Variants in PTPRQ observed in about 807,000 individuals in gnomAD.
PTPRQ encodes the protein phosphatidylinositol phosphatase PTPRQ.
Under a neutral mutation model 246.0 loss-of-function variants are expected in PTPRQ, and 199 were observed. The ratio of observed to expected loss-of-function variants is 0.81; its 90% confidence interval spans 0.72 to 0.91. PTPRQ has a LOEUF of 0.91. Among genes scored for constraint, PTPRQ ranks in the 40% least tolerant of loss-of-function variants. The probability of loss-of-function intolerance (pLI) is 0.00; values close to 1 mark genes in which losing one functional copy is unlikely to be tolerated. For synonymous variants in PTPRQ, 869 were observed against 853.2 expected (o/e 1.02, Z -0.32); for missense variants, 2,624 against 2,528.4 (o/e 1.04, Z -0.81).
intron 9 of PTPRQ, among the ~76,000 whole-genome samples, chr12:80,489,508 C>T (rs749074760): frequency 5.3e-5 from 8 of 151,954 alleles, no homozygotes; most frequent in Non-Finnish European, 1.0e-4. Flanking sequence ...AGATAATGGT[C>T]AGAGTTTTCC....
chr12:80,547,738 A>G (rs1435845052), intron 24 of PTPRQ, among the ~76,000 whole-genome samples: 1 of 152,176 alleles, frequency 6.6e-6, no homozygotes, highest in African/African-American at 2.4e-5. Flanking sequence ...AGCAGTAGCC[A>G]TCTCATAATG....
intron 35 of PTPRQ, among the ~76,000 whole-genome samples, chr12:80,645,975 G>A (rs1900058139): frequency 6.6e-6 from 1 of 152,100 alleles, no homozygotes; most frequent in Admixed American, 6.5e-5. Context: ...CTCGAATTGA[G>A]AGCTAGAAAT....
chr12:80,605,020 T>C, intron 26 of PTPRQ, 39 bp from the exon 27 acceptor site: 3 of 1,513,792 alleles, frequency 2.0e-6, no homozygotes, highest in South Asian at 1.3e-5. Context: ...CAAGTACTAA[T>C]TCTAATGTAG....
intron 25 of PTPRQ, among the ~76,000 whole-genome samples, chr12:80,553,968 A>G (rs755895228): frequency 6.6e-6 from 1 of 152,126 alleles, no homozygotes; most frequent in Non-Finnish European, 1.5e-5. Context: ...CAGAAAGACA[A>G]ACTTCATGTG....
chr12:80,509,472 C>T (rs779636642), intron 16 of PTPRQ, among the ~76,000 whole-genome samples: 25 of 151,994 alleles, frequency 1.6e-4, no homozygotes, highest in African/African-American at 4.8e-5. Flanking sequence ...ATTCACATTC[C>T]GTGCATAACT....
chr12:80,496,204 C>T, intron 13 of PTPRQ, 46 bp from the exon 14 acceptor site: 2 of 1,541,852 alleles, frequency 1.3e-6, no homozygotes, highest in Non-Finnish European at 1.7e-6. Context: ...AAGCAACAAA[C>T]ATCAATAAAA....
At chr12:80,541,991 T>C in intron 21 of PTPRQ, 98 bp from the exon 22 acceptor site, 1 of 1,477,902 alleles carries the variant, frequency 6.8e-7, no homozygotes, top group Middle Eastern at 2.4e-4. Context: ...TTTCTTAAAA[T>C]AATCTGCTAA....
chr12:80,516,834 T>C (rs1895315356), intron 17 of PTPRQ, among the ~76,000 whole-genome samples: 1 of 152,114 alleles, frequency 6.6e-6, no homozygotes, highest in African/African-American at 2.4e-5. Flanking sequence ...TAAAGATAGA[T>C]TTGTGAATTA....
intron 25 of PTPRQ, among the ~76,000 whole-genome samples, chr12:80,581,510 CT>C (rs1457348193): frequency 6.6e-6 from 1 of 151,962 alleles, no homozygotes; most frequent in Non-Finnish European, 1.5e-5. Context: ...TGGCACACGC[CT>C]GTGATTCCAG....
intron 43 of PTPRQ, among the ~76,000 whole-genome samples, chr12:80,678,153 T>C (rs1731785): frequency 0.031 from 4,651 of 151,856 alleles, 214 homozygotes; most frequent in African/African-American, 0.1. Context: ...ATTTATTGGT[T>C]AAACATATTT....
chr12:80,628,334 C>A (rs956091279), intron 33 of PTPRQ, among the ~76,000 whole-genome samples: 1 of 152,070 alleles, frequency 6.6e-6, no homozygotes, highest in Non-Finnish European at 1.5e-5. Context: ...ATCCACCATG[C>A]AGGATAGCCA....
chr12:80,634,821 T>G, intron 34 of PTPRQ, 124 bp from the exon 35 acceptor site: 2 of 1,384,902 alleles, frequency 1.4e-6, no homozygotes, highest in Non-Finnish European at 1.9e-6. Flanking sequence ...TGCAACATAT[T>G]CAGAGAGGTG....
chr12:80,596,926 C>A (rs757545059), intron 26 of PTPRQ, among the ~76,000 whole-genome samples: 1 of 152,002 alleles, frequency 6.6e-6, no homozygotes, highest in Non-Finnish European at 1.5e-5. Flanking sequence ...TTGCTATGTG[C>A]TGGTACTATT....
At chr12:80,555,712 A>C (rs914201483) in intron 25 of PTPRQ, among the ~76,000 whole-genome samples, 1 of 152,184 alleles carries the variant, frequency 6.6e-6, no homozygotes, top group Non-Finnish European at 1.5e-5. Flanking sequence ...TATCTAATTG[A>C]AATTCAGGTG....
intron 8 of PTPRQ, 31 bp from the exon 9 acceptor site, chr12:80,484,402 C>CTTTTT: frequency 1.4e-6 from 2 of 1,455,380 alleles, no homozygotes; most frequent in East Asian, 2.5e-5. Context: ...TAATTTCCCC[C>CTTTTT]TTTTCTTTTC....
intron 17 of PTPRQ, among the ~76,000 whole-genome samples, chr12:80,516,396 T>C (rs1416696440): frequency 1.3e-5 from 2 of 152,188 alleles, no homozygotes; most frequent in East Asian, 1.9e-4. Flanking sequence ...TCAATTTTCT[T>C]AGTAGTAATT....
chr12:80,504,868 A>G lies in PTPRQ; in HGVS notation c.2273-1156A>G, dbSNP rs187468688. On this transcript the variant is annotated intron_variant, in intron 14 of 44. Transcript: ENST00000644991. ...CACCCAGAGGAGTGGCAACAGAGAA[A>G]GAAGGTTTCCTTTCTGTCCTCTCTG... Among the ~76,000 whole-genome samples the G allele has an allele frequency of 3.9e-5, 6 of 152,030 alleles. 1 individual carries two copies. In the East Asian group the frequency reaches 9.7e-4, roughly 25 times the overall value.
intron 14 of PTPRQ, among the ~76,000 whole-genome samples, chr12:80,499,768 G>T (rs557021299): frequency 6.6e-6 from 1 of 150,652 alleles, no homozygotes; most frequent in Non-Finnish European, 1.5e-5. Context: ...GATTGATTCT[G>T]TGTGTGTGTG....
chr12:80,465,840 T>A (rs948108776), intron 6 of PTPRQ, among the ~76,000 whole-genome samples: 2 of 152,182 alleles, frequency 1.3e-5, no homozygotes, highest in African/African-American at 4.8e-5. Flanking sequence ...AAATTAGGAA[T>A]TGGTGGGACG....
Sources: gnomAD v4.1 joint callset for allele counts (sites outside exome capture counted in the v4.1 genomes callset) on GRCh38, gnomAD v4.1.1 for gene constraint, MANE v1.5 for transcripts, NCBI Gene and HGNC (gene_info 2026-07-23, HGNC 2026-07-21) for gene names.